PHF24: variants seen among roughly 807,000 people sequenced by gnomAD.
PHF24 encodes PHD finger protein 24, also known as Galpha inhibitory interacting protein.
In PHF24, 25 loss-of-function variants were observed where a neutral mutation model predicts 42.6. The ratio of observed to expected loss-of-function variants is 0.59; its 90% CI spans 0.43 to 0.82. The LOEUF is 0.82. Among genes scored for constraint, PHF24 ranks in the 40% least tolerant of loss-of-function variants. The probability of loss-of-function intolerance (pLI) is 0.00; values close to 1 mark genes in which losing one functional copy is unlikely to be tolerated. For missense variants in PHF24, 470 were observed against 538.1 expected (o/e 0.87, Z 1.25); for synonymous variants, 185 against 204.8 (o/e 0.90, Z 0.83).
At chr9:34,854,874 G>T in the PHF24 span, among the ~76,000 whole-genome samples, 2 of 152,164 alleles carry the variant, frequency 1.3e-5, no homozygotes, top group African/African-American at 2.4e-5. Context: ...TTGTCAGTGG[G>T]ATGTTAAAAT....
chr9:34,710,138 C>T, the PHF24 span: 19 of 1,303,010 alleles, frequency 1.5e-5, no homozygotes, highest in African/African-American at 1.2e-4. Flanking sequence ...GGGGTCTGTG[C>T]GTGGGCTGGG....
the PHF24 span, among the ~76,000 whole-genome samples, chr9:34,803,256 A>T: frequency 6.6e-6 from 1 of 152,178 alleles, no homozygotes; most frequent in African/African-American, 2.4e-5. Context: ...TGCCAAAAAC[A>T]CACTAGGGAA....
At chr9:34,699,442 A>G in the PHF24 span, among the ~76,000 whole-genome samples, 2 of 152,186 alleles carry the variant, frequency 1.3e-5, no homozygotes, top group Non-Finnish European at 2.9e-5. Flanking sequence ...TGAGGTTTGG[A>G]GCTATACTAA....
the PHF24 span, among the ~76,000 whole-genome samples, chr9:34,864,239 G>GTT: frequency 6.6e-6 from 1 of 152,088 alleles, no homozygotes; most frequent in Non-Finnish European, 1.5e-5. Context: ...TTATTCAAAG[G>GTT]GATAATAACA....
At chr9:34,956,719 C>G (rs1826383076), upstream of PHF24, among the ~76,000 whole-genome samples, 3 of 152,178 alleles carry the variant, frequency 2.0e-5, no homozygotes, top group East Asian at 5.8e-4. Flanking sequence ...TGATGTAATT[C>G]TAAAGAAAGT....
At chr9:34,894,493 T>C in the PHF24 span, 1 of 398,598 alleles carries the variant, frequency 2.5e-6, no homozygotes, top group Non-Finnish European at 4.4e-6. Context: ...TCCTGTGAAG[T>C]TCTCCTAGCT....
chr9:34,770,644 A>T, the PHF24 span, among the ~76,000 whole-genome samples: 2 of 152,146 alleles, frequency 1.3e-5, no homozygotes, highest in African/African-American at 4.8e-5. Flanking sequence ...ATTTTATACA[A>T]AAAAACACCA....
At chr9:34,911,245 C>CT in the PHF24 span, among the ~76,000 whole-genome samples, 1 of 151,426 alleles carries the variant, frequency 6.6e-6, no homozygotes, top group African/African-American at 2.4e-5. Context: ...GTTTTCTTTT[C>CT]TTTTCTTTTT....
chr9:34,918,091 C>T, the PHF24 span: 4 of 1,533,998 alleles, frequency 2.6e-6, no homozygotes, highest in South Asian at 4.5e-5. Context: ...TTCCATGAAA[C>T]CTCCAACATC....
chr9:34,794,421 A>C, the PHF24 span, among the ~76,000 whole-genome samples: 1 of 152,224 alleles, frequency 6.6e-6, no homozygotes, highest in Non-Finnish European at 1.5e-5. Flanking sequence ...TCTGGGATAC[A>C]ATGCAAAGTT....
the PHF24 span, among the ~76,000 whole-genome samples, chr9:34,794,124 T>C: frequency 5.9e-5 from 9 of 152,126 alleles, no homozygotes; most frequent in African/African-American, 2.2e-4. Context: ...TGTACATGCA[T>C]TGATCTGACT....
the PHF24 span, chr9:34,727,061 G>A: frequency 6.7e-7 from 1 of 1,490,646 alleles, no homozygotes; most frequent in Non-Finnish European, 8.9e-7. Context: ...GGCTGGAGTG[G>A]GCACTCTCCT....
At chr9:34,903,062 A>G in the PHF24 span, among the ~76,000 whole-genome samples, 1 of 152,212 alleles carries the variant, frequency 6.6e-6, no homozygotes. Context: ...AGCCAGACCC[A>G]GGTATTGTTA....
the PHF24 span, among the ~76,000 whole-genome samples, chr9:34,783,277 G>T: frequency 9.2e-5 from 14 of 152,102 alleles, no homozygotes; most frequent in African/African-American, 3.4e-4. Context: ...TATCCACATG[G>T]ATTTCATGAA....
At chr9:34,886,196 C>T in the PHF24 span, among the ~76,000 whole-genome samples, 1 of 150,944 alleles carries the variant, frequency 6.6e-6, no homozygotes, top group African/African-American at 2.4e-5. Flanking sequence ...TTGCTTATCC[C>T]TCTTGACTGG....
chr9:34,761,139 A>G, the PHF24 span, among the ~76,000 whole-genome samples: 1 of 152,190 alleles, frequency 6.6e-6, no homozygotes, highest in Non-Finnish European at 1.5e-5. Flanking sequence ...AAAAGTAGGG[A>G]AAAAATGCCA....
chr9:34,752,403 G>A, the PHF24 span, among the ~76,000 whole-genome samples: 5,406 of 152,052 alleles, frequency 0.036, 305 homozygotes, highest in African/African-American at 0.12. Context: ...AGGCTACTAG[G>A]GGCAACTATA....
chr9:34,934,661 A>T, the PHF24 span, among the ~76,000 whole-genome samples: 1 of 152,158 alleles, frequency 6.6e-6, no homozygotes, highest in Non-Finnish European at 1.5e-5. Flanking sequence ...GGAGAAGTAT[A>T]CAGACCTTTC....
At chr9:34,846,285 G>A in the PHF24 span, among the ~76,000 whole-genome samples, 1 of 152,014 alleles carries the variant, frequency 6.6e-6, no homozygotes, top group African/African-American at 2.4e-5. Flanking sequence ...TTTAATGATT[G>A]CCATTCTAAC....
Sources: allele counts gnomAD v4.1 joint callset (sites outside exome capture counted in the v4.1 genomes callset), GRCh38; gene constraint gnomAD v4.1.1; transcripts MANE v1.5; gene names NCBI Gene and HGNC (gene_info 2026-07-23, HGNC 2026-07-21).